SBNO2: variants seen among roughly 807,000 people sequenced by gnomAD.
The protein encoded by SBNO2 is strawberry notch homolog 2.
In SBNO2, 89 loss-of-function variants were observed where a neutral mutation model predicts 146.3. The ratio of observed to expected loss-of-function variants is 0.61; its 90% CI spans 0.51 to 0.73. SBNO2 has a LOEUF of 0.73. Among genes scored for constraint, SBNO2 ranks in the 30% least tolerant of loss-of-function variants. The pLI is 0.00. For synonymous variants in SBNO2, 1,147 were observed against 892.6 expected, an observed-to-expected ratio of 1.29 and a Z score of -5.08; for missense variants, 2,092 against 2,003.7, an observed-to-expected ratio of 1.04 and a Z score of -0.84.
At chr19:1,171,988 G>A (rs1352504080) in intron 1 of SBNO2, among the ~76,000 whole-genome samples, 4 of 152,190 alleles carry the variant, frequency 2.6e-5, no homozygotes, top group African/African-American at 7.2e-5. Context: ...GTGAATGGAT[G>A]AGGGAAGCTC....
rs898341364 is a variant in SBNO2 at position 1,136,574 on chromosome 19, C to T, written c.280-8809G>A. 2.6e-5 allele frequency among the ~76,000 whole-genome samples: 4 copies of T among 152,224 alleles called. No individual in the cohort carries two copies. Among genetic ancestry groups the T allele is most frequent in the Admixed American group, 6.5e-5 (1 of 15,286 alleles). On this transcript the variant is annotated intron_variant, in intron 4 of 31. Coordinates refer to ENST00000361757, the MANE Select transcript of SBNO2 (RefSeq NM_014963.3). The surrounding 1 kb of genome is among the most constrained non-coding windows in gnomAD (Gnocchi z 4.2). ...ACAGACCAGGGGACAGAAGGTGGCT[C>T]TTCTTGGCCTTGGCTGGGTGTGAAC...
At position 1,111,395 on chromosome 19, in the gene SBNO2, G is replaced by A. The variant is rs905833242; in HGVS notation, c.2809+111C>T. ...GCCCTCTCTGTCCGTGTGTGGGGAGGGGTCACTCAACACACAACCGGCCTA... is the reference window on the plus strand; with the variant it reads ...GCCCTCTCTGTCCGTGTGTGGGGAGAGGTCACTCAACACACAACCGGCCTA... On this transcript the variant is annotated intron_variant, in intron 24 of 31. Transcript: ENST00000361757. 1.3e-4 allele frequency: 102 copies of A among 786,712 alleles called. No individual in the cohort carries two copies. The African/African-American group carries it at 1.6e-3, about 12-fold the overall frequency. 48.7% of individuals were successfully genotyped at this position (786,712 alleles called of 1,614,324 possible).
At chr19:1,174,088 C>T (rs1398380027) in intron 1 of SBNO2, 84 bp downstream of exon 1, 2 of 150,082 alleles carry the variant, frequency 1.3e-5, no homozygotes, top group Non-Finnish European at 3.0e-5. Context: ...CAGGGGTCCG[C>T]GGGGAGCGCC....
rs747785173 is a variant in SBNO2 at position 1,115,894 on chromosome 19, G to A, written c.1885+127C>T. ...GGCAGCGGAGCCTTGAGCCTGCCTGGCACGGACAGGACCTGCATTTGGCTG... is the reference window on the plus strand; with the variant it reads ...GGCAGCGGAGCCTTGAGCCTGCCTGACACGGACAGGACCTGCATTTGGCTG... On this transcript the variant is annotated intron_variant, in intron 17 of 31. Coordinates refer to ENST00000361757, the MANE Select transcript of SBNO2 (RefSeq NM_014963.3). 140 of 779,742 alleles carry A rather than the reference G, an allele frequency of 1.8e-4. 2 individuals carry two copies. Among genetic ancestry groups the A allele is most frequent in the South Asian group, 2.9e-5 (2 of 68,720 alleles). The allele number at this position is 779,742 out of a possible 1,614,324, so 48.3% of individuals were successfully genotyped here. A position where few individuals can be genotyped will look rare whatever the true frequency, so the allele number is the denominator to read the frequency against.
chr19:1,123,419 C>T, intron 7 of SBNO2, 115 bp downstream of exon 7: 1 of 899,534 alleles, frequency 1.1e-6, no homozygotes, highest in East Asian at 2.5e-5. Flanking sequence ...CTCCGGCCCT[C>T]CCTGAAGCTT....
At chr19:1,159,830 A>G (rs2080327686) in intron 1 of SBNO2, among the ~76,000 whole-genome samples, 1 of 151,210 alleles carries the variant, frequency 6.6e-6, no homozygotes, top group Non-Finnish European at 1.5e-5. Flanking sequence ...AGGAGGGGAC[A>G]CATTCAAGAC....
At position 1,110,394 on chromosome 19, in the gene SBNO2, C is replaced by T. The variant is rs973473694; in HGVS notation, c.3028+351G>A. Among the ~76,000 whole-genome samples the T allele has an allele frequency of 1.3e-5, 2 of 152,166 alleles. No individual in the cohort carries two copies. The highest frequency in any genetic ancestry group is 4.8e-5 in the African/African-American group (2 of 41,406). ...CAGCGTGCACCAGCCTGGGCACCTT[C>T]CAGAGACGTGCACGGTGATCCCACG... is the stretch of plus-strand genomic sequence containing the variant. On this transcript the variant is annotated intron_variant, in intron 26 of 31. Transcript: ENST00000361757. The surrounding 1 kb of genome is among the most constrained non-coding windows in gnomAD (Gnocchi z 4.9).
At position 1,160,243 on chromosome 19, in the gene SBNO2, G is replaced by A. The variant is rs557039442; in HGVS notation, c.-126-5841C>T. On this transcript the variant is annotated intron_variant, in intron 1 of 31. Transcript: ENST00000361757. Reference sequence around the variant, plus strand: ...CCGCTCACCCACATCCCTGCAGCCCGGCTGGGGCCCAGCAAGCCGCTCACG... The same window carrying A: ...CCGCTCACCCACATCCCTGCAGCCCAGCTGGGGCCCAGCAAGCCGCTCACG... Among the ~76,000 whole-genome samples, 7 of 152,198 alleles carry A rather than the reference G, an allele frequency of 4.6e-5. No individual in the cohort carries two copies. In the East Asian group the frequency reaches 7.7e-4, roughly 17 times the overall value.
At chr19:1,131,595 G>C (rs1046858852) in intron 4 of SBNO2, among the ~76,000 whole-genome samples, 4 of 152,154 alleles carry the variant, frequency 2.6e-5, no homozygotes, top group Admixed American at 1.3e-4. Flanking sequence ...ACAGGGATTT[G>C]CCGGCCTGCG....
intron 14 of SBNO2, among the ~76,000 whole-genome samples, chr19:1,118,764 C>T (rs577289838): frequency 1.3e-5 from 2 of 152,114 alleles, no homozygotes; most frequent in South Asian, 2.1e-4. Context: ...TCCAGCTACT[C>T]GAGAGGCTGA....
chr19:1,166,483 G>T (rs1057473342), intron 1 of SBNO2, among the ~76,000 whole-genome samples: 1 of 152,108 alleles, frequency 6.6e-6, no homozygotes, highest in East Asian at 1.9e-4. Flanking sequence ...GAGCCCGCTC[G>T]GGTCTTGTGT....
At chr19:1,152,115 G>C (rs2080247859) in intron 2 of SBNO2, among the ~76,000 whole-genome samples, 1 of 152,230 alleles carries the variant, frequency 6.6e-6, no homozygotes. Flanking sequence ...TCACACACGG[G>C]ATGGGGAGCA....
In SBNO2 at chr19:1,109,274, C is replaced by T. The variant is rs1478511584; in HGVS notation, c.3348+18G>A. On this transcript the variant is annotated intron_variant, in intron 29 of 31. Transcript: ENST00000361757. The surrounding 1 kb of genome is among the most constrained non-coding windows in gnomAD (Gnocchi z 4.2). ...GGGCCGGCAACCCGAGCGAAAGCTG[C>T]GCCCGGCGGCCGCCTACCCGGTGGA... The T allele has an allele frequency of 3.2e-6, 5 of 1,584,192 alleles. No homozygotes were observed. The highest frequency in any genetic ancestry group is 1.3e-5 in the African/African-American group (1 of 74,438).
Position 1,154,188 on chromosome 19 carries a change from A to G in SBNO2, c.89T>C (p.Leu30Pro). ...GGGGCCGGGGGTGGGGCTCACCTGC[A>G]GGGGCGGCGGGCTGTACAGGAGGCT... Reference protein sequence around the residue: ...AGSLLYSPPPLQSAMLHCPYW... With the variant: ...AGSLLYSPPPPQSAMLHCPYW... Residue 30 changes from leucine (L) to proline (P), a missense_variant, in exon 2 of 32, where the codon CTG (leucine) becomes CCG (proline). Leu to Pro is a moderately conservative substitution (Grantham distance 98). Coordinates refer to ENST00000361757, the MANE Select transcript of SBNO2 (RefSeq NM_014963.3). 1 of 1,238,626 alleles carries G rather than the reference A, an allele frequency of 8.1e-7. No homozygotes were observed. The highest frequency in any genetic ancestry group is 1.5e-5 in the African/African-American group (1 of 64,850). The allele number at this position is 1,238,626 out of a possible 1,614,324, so 76.7% of individuals were successfully genotyped here.
At chr19:1,127,257 G>A (rs373876398) in intron 5 of SBNO2, among the ~76,000 whole-genome samples, 3 of 152,178 alleles carry the variant, frequency 2.0e-5, no homozygotes, top group Non-Finnish European at 4.4e-5. Flanking sequence ...TCTAGACCAG[G>A]GACTCCCCGG....
chr19:1,151,396 C>CG (rs35105819), intron 2 of SBNO2, among the ~76,000 whole-genome samples: 2 of 152,172 alleles, frequency 1.3e-5, no homozygotes, highest in East Asian at 3.9e-4. Context: ...GGGGATGGGA[C>CG]GGGGGGAAAG....
At chr19:1,142,381 C>T (rs567149211) in intron 4 of SBNO2, among the ~76,000 whole-genome samples, 11 of 152,190 alleles carry the variant, frequency 7.2e-5, no homozygotes, top group African/African-American at 2.2e-4. Flanking sequence ...CCCGGGTCCA[C>T]GGCTCATCTG....
Position 1,144,587 on chromosome 19 carries a change from G to A in SBNO2, c.279+2722C>T, listed in dbSNP as rs184493017. Among the ~76,000 whole-genome samples the A allele has an allele frequency of 1.3e-5, 2 of 150,140 alleles. No individual in the cohort carries two copies. The highest frequency in any genetic ancestry group is 4.9e-5 in the African/African-American group (2 of 40,692). On this transcript the variant is annotated intron_variant, in intron 4 of 31. Coordinates refer to ENST00000361757, the MANE Select transcript of SBNO2 (RefSeq NM_014963.3). This position sits in a 1 kb window ranked among gnomAD's most constrained non-coding sequence, Gnocchi z 4.1. Reference sequence around the variant, plus strand: ...AGAGACAGGGAGACAGAGACGCAGAGACATAGAGACATAGAGACAGAGGCA... The same window carrying A: ...AGAGACAGGGAGACAGAGACGCAGAAACATAGAGACATAGAGACAGAGGCA...
chr19:1,132,249 T>TCTCC, intron 4 of SBNO2: 1 of 1,307,172 alleles, frequency 7.7e-7, no homozygotes, highest in South Asian at 2.1e-5. Context: ...CGGGGGCGGC[T>TCTCC]CTCCGCCCGG....
Sources: allele counts gnomAD v4.1 joint callset (sites outside exome capture counted in the v4.1 genomes callset), GRCh38; gene constraint gnomAD v4.1.1; non-coding constraint Gnocchi (gnomAD v3.1); transcripts MANE v1.5; gene names NCBI Gene and HGNC (gene_info 2026-07-23, HGNC 2026-07-21).